THSD7B: variants seen among roughly 807,000 people sequenced by gnomAD.
THSD7B encodes thrombospondin type 1 domain containing 7B.
A neutral mutation model predicts 213.6 loss-of-function variants in THSD7B; 138 were observed. The observed-to-expected ratio is 0.65, with a 90% CI of 0.56 to 0.74. THSD7B has a LOEUF of 0.74. THSD7B is among the 30% of genes least tolerant of loss of function. THSD7B has a pLI of 0.00. For synonymous variants in THSD7B, 742 were observed against 687.0 expected (o/e 1.08, Z -1.25); for missense variants, 1,931 against 1,991.5 (o/e 0.97, Z 0.58).
intron 9 of THSD7B, 117 bp from the exon 10 acceptor site, chr2:137,242,340 C>A: frequency 1.4e-6 from 1 of 718,972 alleles, no homozygotes; most frequent in Non-Finnish European, 2.3e-6. Context: ...TCTCTCTTCC[C>A]TCACCTATTA....
chr2:137,027,418 A>G (rs1226281561), intron 2 of THSD7B, among the ~76,000 whole-genome samples: 1 of 152,174 alleles, frequency 6.6e-6, no homozygotes, highest in Non-Finnish European at 1.5e-5. Context: ...AAGAAGATCG[A>G]ATTACATCCC....
intron 2 of THSD7B, among the ~76,000 whole-genome samples, chr2:137,036,443 G>A (rs1278031779): frequency 6.6e-6 from 1 of 152,108 alleles, no homozygotes; most frequent in Non-Finnish European, 1.5e-5. Context: ...GACTATATGA[G>A]AATGAAGGAA....
chr2:137,482,552 A>G (rs1688331351), intron 15 of THSD7B, among the ~76,000 whole-genome samples: 1 of 152,196 alleles, frequency 6.6e-6, no homozygotes, highest in Non-Finnish European at 1.5e-5. Context: ...ACAGTACATG[A>G]AACATAGTTT....
intron 15 of THSD7B, among the ~76,000 whole-genome samples, chr2:137,510,547 C>T (rs1679940322): frequency 6.6e-6 from 1 of 152,076 alleles, no homozygotes; most frequent in South Asian, 2.1e-4. Context: ...ACCATACTTA[C>T]CATTTCTGAT....
Position 137,484,205 on chromosome 2 carries a change from G to A in THSD7B, c.3138+33182G>A, listed in dbSNP as rs374076432. ...CACACAACAGTCCCCAGAGTGTGAT[G>A]TTCCCCTTCCTGTGTCCATGTGTTC... On this transcript the variant is annotated intron_variant, in intron 15 of 27. Transcript: ENST00000409968. Among the ~76,000 whole-genome samples, 28 of 135,814 alleles carry A rather than the reference G, an allele frequency of 2.1e-4. 1 individual carries two copies. The highest frequency in any genetic ancestry group is 1.5e-3 in the East Asian group (7 of 4,556). 89.1% of individuals were successfully genotyped at this position (135,814 alleles called of 152,430 possible).
rs529649564 is a variant in THSD7B, at chr2:137,521,297, G to A, written c.3139-41924G>A. Among the ~76,000 whole-genome samples the A allele has an allele frequency of 2.7e-4, 41 of 152,264 alleles. 1 individual carries two copies. In the South Asian group the frequency reaches 8.3e-3, roughly 31 times the overall value. ...ATAAAACAAAACAGATATTTGTTGAGCTGTCCTTCTGGGTCAGCCTTTGTA... is the reference window on the plus strand; with the variant it reads ...ATAAAACAAAACAGATATTTGTTGAACTGTCCTTCTGGGTCAGCCTTTGTA... On this transcript the variant is annotated intron_variant, in intron 15 of 27. Transcript: ENST00000409968.
chr2:137,203,061 TTTGGCTTTTTTAG>T (rs1680912047), intron 7 of THSD7B, among the ~76,000 whole-genome samples: 2 of 152,082 alleles, frequency 1.3e-5, no homozygotes, highest in Admixed American at 1.3e-4. Flanking sequence ...CAGTATTTTG[TTTGGCTTTTTTAG>T]TTGTTCTCGG....
At chr2:137,510,170 T>C (rs967152337) in intron 15 of THSD7B, among the ~76,000 whole-genome samples, 1 of 152,158 alleles carries the variant, frequency 6.6e-6, no homozygotes, top group Admixed American at 6.5e-5. Flanking sequence ...ACTTATTTTC[T>C]ATTTCCGTCA....
chr2:137,000,705 C>T (rs1685984677), intron 2 of THSD7B, among the ~76,000 whole-genome samples: 1 of 152,040 alleles, frequency 6.6e-6, no homozygotes, highest in Non-Finnish European at 1.5e-5. Context: ...GTTCTGTAGT[C>T]TATACTAATT....
At chr2:136,908,899 G>T (rs1264050799) in intron 2 of THSD7B, among the ~76,000 whole-genome samples, 2 of 152,314 alleles carry the variant, frequency 1.3e-5, no homozygotes, top group South Asian at 2.1e-4. Context: ...GCCTATCCTA[G>T]TCTGGGCGCG....
chr2:137,456,987 T>C (rs560353286), intron 15 of THSD7B, among the ~76,000 whole-genome samples: 7 of 152,176 alleles, frequency 4.6e-5, no homozygotes, highest in Non-Finnish European at 7.4e-5. Flanking sequence ...AGTTGTGGCA[T>C]TGCACTAATT....
chr2:137,652,246 G>A (rs1343541912), intron 21 of THSD7B, among the ~76,000 whole-genome samples: 2 of 151,688 alleles, frequency 1.3e-5, no homozygotes, highest in Non-Finnish European at 2.9e-5. Flanking sequence ...TCCAGTGTTG[G>A]GTCTATCAAC....
intron 5 of THSD7B, among the ~76,000 whole-genome samples, chr2:137,123,000 T>G (rs1688570280): frequency 6.6e-6 from 1 of 152,172 alleles, no homozygotes; most frequent in Non-Finnish European, 1.5e-5. Context: ...TTATTTACTC[T>G]CATCTTCCCA....
chr2:136,982,731 A>C (rs747996069), intron 2 of THSD7B, among the ~76,000 whole-genome samples: 1 of 152,098 alleles, frequency 6.6e-6, no homozygotes, highest in Non-Finnish European at 1.5e-5. Context: ...AGATACTTTT[A>C]AGTACCTGCT....
At chr2:137,322,658 T>C (rs1285122391) in intron 12 of THSD7B, among the ~76,000 whole-genome samples, 2 of 152,184 alleles carry the variant, frequency 1.3e-5, no homozygotes, top group Admixed American at 1.3e-4. Context: ...AGTTGACAGA[T>C]CTTTAAAGCT....
At chr2:136,766,323 G>A (rs1681390289) in intron 1 of THSD7B, among the ~76,000 whole-genome samples, 1 of 151,926 alleles carries the variant, frequency 6.6e-6, no homozygotes, top group Admixed American at 6.5e-5. Context: ...CTGTCCCTGC[G>A]AGTGGCTAGG....
intron 2 of THSD7B, among the ~76,000 whole-genome samples, chr2:136,897,124 T>TA (rs988216340): frequency 7.9e-5 from 12 of 151,348 alleles, no homozygotes; most frequent in Non-Finnish European, 1.6e-4. Context: ...TATTTTTAAT[T>TA]AAAAAAAAAT....
chr2:137,360,030 A>T (rs929893086), intron 12 of THSD7B, among the ~76,000 whole-genome samples: 2 of 152,236 alleles, frequency 1.3e-5, no homozygotes, highest in Non-Finnish European at 2.9e-5. Context: ...TTAAATGGGC[A>T]ACTGCTATTT....
intron 1 of THSD7B, among the ~76,000 whole-genome samples, chr2:136,792,147 T>G (rs1263430868): frequency 6.6e-6 from 1 of 152,046 alleles, no homozygotes; most frequent in Non-Finnish European, 1.5e-5. Context: ...CATGTCACAA[T>G]CTAGGATTGA....
Sources: gnomAD v4.1 joint callset for allele counts (sites outside exome capture counted in the v4.1 genomes callset) on GRCh38, gnomAD v4.1.1 for gene constraint, MANE v1.5 for transcripts, NCBI Gene and HGNC (gene_info 2026-07-23, HGNC 2026-07-21) for gene names.